The following MBNL1 variants were observed in gnomAD, a reference collection of about 807,000 sequenced individuals.
MBNL1 encodes the protein muscleblind like splicing regulator 1.
MBNL1 carries 8 observed loss-of-function variants against 42.2 expected under a neutral mutation model. That is an observed-to-expected ratio of 0.19 (90% CI 0.11 to 0.34). The LOEUF is 0.34. MBNL1 is among the 10% of genes least tolerant of loss of function. The pLI, the probability that MBNL1 is intolerant of heterozygous loss-of-function variation, is 1.00. For synonymous variants in MBNL1, 169 were observed against 173.9 expected (o/e 0.97, Z 0.22); for missense variants, 309 against 495.3 (o/e 0.62, Z 3.57).
intron 2 of MBNL1, among the ~76,000 whole-genome samples, chr3:152,339,410 A>T (rs1242834108): frequency 2.6e-5 from 4 of 152,112 alleles, no homozygotes; most frequent in Non-Finnish European, 5.9e-5. Context: ...ATCTTAAGTT[A>T]ACAATACAAA....
At chr3:152,461,060 T>C (rs1231871197) in intron 9 of MBNL1, among the ~76,000 whole-genome samples, 3 of 152,054 alleles carry the variant, frequency 2.0e-5, no homozygotes, top group Admixed American at 6.6e-5. Flanking sequence ...CTAAAGAGAA[T>C]GGAGGTGTAA....
intron 2 of MBNL1, among the ~76,000 whole-genome samples, chr3:152,374,818 T>G (rs933171498): frequency 2.6e-5 from 4 of 152,332 alleles, no homozygotes; most frequent in African/African-American, 9.6e-5. Flanking sequence ...GCAAATCCTT[T>G]GTGTTCTCAT....
chr3:152,248,865 G>C (rs1284502996), intron 2 of MBNL1, among the ~76,000 whole-genome samples: 3 of 151,700 alleles, frequency 2.0e-5, no homozygotes, highest in African/African-American at 7.3e-5. Flanking sequence ...AGAACATGCA[G>C]TGTTTGGTTT....
chr3:152,325,843 A>C (rs2079596674), intron 2 of MBNL1, among the ~76,000 whole-genome samples: 1 of 151,918 alleles, frequency 6.6e-6, no homozygotes, highest in African/African-American at 2.4e-5. Context: ...TTAAGTTTAA[A>C]AAATTTATGG....
At chr3:152,297,410 C>T (rs2059091672) in intron 1 of MBNL1, among the ~76,000 whole-genome samples, 1 of 147,046 alleles carries the variant, frequency 6.8e-6, no homozygotes, top group Middle Eastern at 3.6e-3. Context: ...GTGGCGCAAT[C>T]TCGGCTCACT....
intron 2 of MBNL1, among the ~76,000 whole-genome samples, chr3:152,369,644 C>CT (rs924496931): frequency 2.0e-5 from 3 of 151,980 alleles, no homozygotes; most frequent in African/African-American, 7.3e-5. Flanking sequence ...TGGTCCTGGG[C>CT]TTTTTTTGGT....
At chr3:152,394,570 T>G (rs2097850904) in intron 2 of MBNL1, among the ~76,000 whole-genome samples, 1 of 151,420 alleles carries the variant, frequency 6.6e-6, no homozygotes, top group Non-Finnish European at 1.5e-5. Flanking sequence ...CAGAATTATG[T>G]GAGATCTACT....
intron 2 of MBNL1, among the ~76,000 whole-genome samples, chr3:152,334,156 T>G (rs1473515768): frequency 2.0e-5 from 3 of 152,242 alleles, no homozygotes; most frequent in Admixed American, 1.3e-4. Flanking sequence ...ATACTTAGAA[T>G]CTGCCTATAT....
At chr3:152,341,649 A>G (rs536370041) in intron 2 of MBNL1, among the ~76,000 whole-genome samples, 3 of 152,326 alleles carry the variant, frequency 2.0e-5, no homozygotes, top group African/African-American at 7.2e-5. Flanking sequence ...CAATGAGGAG[A>G]ATGTTTATAA....
At chr3:152,401,257 T>C (rs1298798239) in intron 2 of MBNL1, among the ~76,000 whole-genome samples, 1 of 152,210 alleles carries the variant, frequency 6.6e-6, no homozygotes, top group Admixed American at 6.5e-5. Flanking sequence ...GTAGAAATTA[T>C]CTATAATATA....
rs542878513 is a variant in MBNL1, at chr3:152,284,157, T to C, written c.-790+15065T>C. 1.5e-3 allele frequency among the ~76,000 whole-genome samples: 228 copies of C among 152,256 alleles called. 1 individual carries two copies. Among genetic ancestry groups the C allele is most frequent in the Non-Finnish European group, 2.4e-3 (164 of 68,004 alleles). ...GTATTATATATTGTTAATGAATATA[T>C]TCATTTAATAAAGTTACTGTTGAAT... On this transcript the variant is annotated intron_variant, in intron 1 of 9. Coordinates refer to ENST00000324210, the MANE Select transcript of MBNL1 (RefSeq NM_021038.5).
intron 2 of MBNL1, among the ~76,000 whole-genome samples, chr3:152,313,937 G>T (rs1201804765): frequency 6.6e-6 from 1 of 152,128 alleles, no homozygotes; most frequent in Non-Finnish European, 1.5e-5. Context: ...AGTATGAATG[G>T]AAAAATGGTT....
intron 2 of MBNL1, among the ~76,000 whole-genome samples, chr3:152,396,644 A>G (rs1478682364): frequency 1.3e-5 from 2 of 152,066 alleles, no homozygotes; most frequent in East Asian, 1.9e-4. Context: ...ATTAACATTC[A>G]TCTATTTTCT....
intron 2 of MBNL1, among the ~76,000 whole-genome samples, chr3:152,405,512 G>A (rs944370453): frequency 6.6e-6 from 1 of 152,090 alleles, no homozygotes; most frequent in Non-Finnish European, 1.5e-5. Context: ...ACTTCCTGAA[G>A]GGAAGGAGAG....
At chr3:152,402,316 G>A (rs1394336663) in intron 2 of MBNL1, among the ~76,000 whole-genome samples, 5 of 152,092 alleles carry the variant, frequency 3.3e-5, no homozygotes, top group African/African-American at 9.7e-5. Context: ...TAATATTCAC[G>A]TTATCCCTAG....
intron 4 of MBNL1, 118 bp from the exon 5 acceptor site, chr3:152,445,164 T>A: frequency 1.2e-6 from 1 of 809,498 alleles, no homozygotes; most frequent in Non-Finnish European, 1.9e-6. Context: ...TGTTTGAAAA[T>A]CATTTTCCCT....
intron 3 of MBNL1, among the ~76,000 whole-genome samples, chr3:152,416,398 T>A (rs1443358696): frequency 6.6e-6 from 1 of 152,234 alleles, no homozygotes; most frequent in Admixed American, 6.5e-5. Context: ...TAATTTCACA[T>A]GGCTGTATTA....
intron 2 of MBNL1, chr3:152,340,965 C>G: frequency 2.0e-6 from 3 of 1,501,178 alleles, no homozygotes; most frequent in Non-Finnish European, 2.7e-6. Flanking sequence ...ATACCACTTT[C>G]CTGAAGGTCT....
At chr3:152,424,577 CTACTT>C (rs920379123) in intron 3 of MBNL1, among the ~76,000 whole-genome samples, 4 of 147,884 alleles carry the variant, frequency 2.7e-5, no homozygotes, top group African/African-American at 1.0e-4. Flanking sequence ...AAAAAAAAAA[CTACTT>C]TAAATTTCAT....
Sources: gnomAD v4.1 joint callset for allele counts (sites outside exome capture counted in the v4.1 genomes callset) on GRCh38, gnomAD v4.1.1 for gene constraint, MANE v1.5 for transcripts, NCBI Gene and HGNC (gene_info 2026-07-23, HGNC 2026-07-21) for gene names.